Variants in ZNF804B observed in about 807,000 individuals in gnomAD.
ZNF804B encodes the protein zinc finger protein 804B.
A neutral mutation model predicts 101.4 loss-of-function variants in ZNF804B; 80 were observed. The ratio of observed to expected loss-of-function variants is 0.79; its 90% confidence interval spans 0.66 to 0.95. ZNF804B has a LOEUF of 0.95. Among genes scored for constraint, ZNF804B ranks in the 40% least tolerant of loss-of-function variants. ZNF804B has a pLI of 0.00. For missense variants in ZNF804B, 1,673 were observed against 1,561.9 expected (o/e 1.07, Z -1.20); for synonymous variants, 622 against 558.8 (o/e 1.11, Z -1.59).
chr7:88,953,191 A>T (rs986850836), intron 1 of ZNF804B, among the ~76,000 whole-genome samples: 1 of 151,702 alleles, frequency 6.6e-6, no homozygotes, highest in Non-Finnish European at 1.5e-5. Flanking sequence ...TTCCACTCCA[A>T]ATTTATGTAC....
intron 1 of ZNF804B, among the ~76,000 whole-genome samples, chr7:89,200,289 T>C (rs955928224): frequency 6.6e-6 from 1 of 152,000 alleles, no homozygotes; most frequent in Admixed American, 6.6e-5. Flanking sequence ...CATTATTTAA[T>C]ATAGGGACAA....
chr7:89,219,954 T>C (rs1044120183), intron 2 of ZNF804B, among the ~76,000 whole-genome samples: 1 of 140,154 alleles, frequency 7.1e-6, no homozygotes, highest in African/African-American at 2.7e-5. Flanking sequence ...TGTATATACA[T>C]ATATGTGTGC....
chr7:89,108,945 A>G (rs1444598492), intron 1 of ZNF804B, among the ~76,000 whole-genome samples: 1 of 152,156 alleles, frequency 6.6e-6, no homozygotes, highest in Non-Finnish European at 1.5e-5. Context: ...TAAACTGCAT[A>G]TATATTTAAT....
intron 1 of ZNF804B, among the ~76,000 whole-genome samples, chr7:89,005,596 T>C (rs1788360783): frequency 6.6e-6 from 1 of 152,158 alleles, no homozygotes; most frequent in African/African-American, 2.4e-5. Context: ...AGTTGTAGAA[T>C]GTTCCCTTCA....
chr7:89,194,843 T>A (rs992163573), intron 1 of ZNF804B, among the ~76,000 whole-genome samples: 2 of 152,006 alleles, frequency 1.3e-5, no homozygotes, highest in Non-Finnish European at 2.9e-5. Flanking sequence ...TTTCCAATTC[T>A]GTGAAGAAAG....
At chr7:89,164,345 T>C (rs1046056380) in intron 1 of ZNF804B, among the ~76,000 whole-genome samples, 4 of 152,072 alleles carry the variant, frequency 2.6e-5, no homozygotes, top group Non-Finnish European at 5.9e-5. Flanking sequence ...TTCTCACAAG[T>C]GCCTTGTTTC....
intron 1 of ZNF804B, among the ~76,000 whole-genome samples, chr7:89,158,421 T>G (rs1308083061): frequency 6.6e-6 from 1 of 152,130 alleles, no homozygotes; most frequent in Non-Finnish European, 1.5e-5. Context: ...TAGCTTCATC[T>G]CTGAAATACT....
intron 1 of ZNF804B, among the ~76,000 whole-genome samples, chr7:89,107,515 A>T (rs961662538): frequency 6.6e-6 from 1 of 152,164 alleles, no homozygotes; most frequent in African/African-American, 2.4e-5. Flanking sequence ...GTAGCTGAGA[A>T]TAATAACTTC....
intron 1 of ZNF804B, among the ~76,000 whole-genome samples, chr7:88,856,174 T>C (rs896842691): frequency 5.9e-5 from 9 of 152,156 alleles, no homozygotes; most frequent in Non-Finnish European, 1.0e-4. Flanking sequence ...GGGATGGCAA[T>C]GAATCTGTAA....
chr7:89,278,348 A>C (rs1481408980), intron 2 of ZNF804B, among the ~76,000 whole-genome samples: 3 of 151,254 alleles, frequency 2.0e-5, no homozygotes, highest in East Asian at 3.9e-4. Flanking sequence ...GAAGCTCTTT[A>C]GTTTAATTAG....
rs77235981 is a variant in ZNF804B, at chr7:89,149,551, T to A, written c.109-68604T>A. Among the ~76,000 whole-genome samples the A allele has an allele frequency of 0.034, 5,180 of 152,176 alleles. 771 individuals carry two copies. The East Asian group carries it at 0.47, about 14-fold the overall frequency. On this transcript the variant is annotated intron_variant, in intron 1 of 3. Coordinates refer to ENST00000333190, the MANE Select transcript of ZNF804B (RefSeq NM_181646.5). ...AATATGCACAGGCAGTTTTATTTCATCAACTATTCTATTGCAAAAATACCA... is the reference window on the plus strand; with the variant it reads ...AATATGCACAGGCAGTTTTATTTCAACAACTATTCTATTGCAAAAATACCA...
intron 1 of ZNF804B, among the ~76,000 whole-genome samples, chr7:89,018,586 GA>G (rs1003726327): frequency 1.3e-5 from 2 of 152,036 alleles, no homozygotes; most frequent in Non-Finnish European, 2.9e-5. Context: ...AATCGTTTGA[GA>G]AGAATTGTTA....
At chr7:89,280,808 C>G (rs1232209745) in intron 2 of ZNF804B, among the ~76,000 whole-genome samples, 1 of 152,152 alleles carries the variant, frequency 6.6e-6, no homozygotes, top group Non-Finnish European at 1.5e-5. Flanking sequence ...GGATTCACAG[C>G]CGAATTCTAC....
chr7:89,309,470 A>C (rs2115940741), intron 2 of ZNF804B, among the ~76,000 whole-genome samples: 1 of 152,202 alleles, frequency 6.6e-6, no homozygotes, highest in East Asian at 1.9e-4. Context: ...TTAAAGAAGC[A>C]ATATGCAGAG....
chr7:89,190,120 G>A (rs1584041842), intron 1 of ZNF804B, among the ~76,000 whole-genome samples: 1 of 151,932 alleles, frequency 6.6e-6, no homozygotes, highest in Non-Finnish European at 1.5e-5. Flanking sequence ...CTGCAGATAT[G>A]GTTTTAATAG....
At chr7:88,930,866 GT>G (rs1461328274) in intron 1 of ZNF804B, among the ~76,000 whole-genome samples, 2 of 152,006 alleles carry the variant, frequency 1.3e-5, no homozygotes, top group Non-Finnish European at 2.9e-5. Flanking sequence ...AATACTGCAA[GT>G]ACTAAAATAA....
intron 1 of ZNF804B, among the ~76,000 whole-genome samples, chr7:89,097,765 G>A (rs1300131285): frequency 2.0e-5 from 3 of 152,136 alleles, no homozygotes; most frequent in East Asian, 3.8e-4. Flanking sequence ...TTAAATTTGT[G>A]AGAGGGTTTC....
chr7:88,800,692 TTGTGTGTGTGTGTGTG>T (rs6150209), intron 1 of ZNF804B, among the ~76,000 whole-genome samples: 157 of 146,706 alleles, frequency 1.1e-3, no homozygotes, highest in African/African-American at 3.0e-3. Context: ...TAGATATGAT[TTGTGTGTGTGTGTGTG>T]TGTGTGTGTG....
chr7:89,100,592 A>G (rs1400489976), intron 1 of ZNF804B, among the ~76,000 whole-genome samples: 1 of 152,166 alleles, frequency 6.6e-6, no homozygotes, highest in African/African-American at 2.4e-5. Context: ...ACAATAATAT[A>G]TAAGGTGTTC....
Sources: gnomAD v4.1 joint callset for allele counts (sites outside exome capture counted in the v4.1 genomes callset) on GRCh38, gnomAD v4.1.1 for gene constraint, MANE v1.5 for transcripts, NCBI Gene and HGNC (gene_info 2026-07-23, HGNC 2026-07-21) for gene names.